The following CHEK1 variants were observed in gnomAD, a reference collection of about 807,000 sequenced individuals.
CHEK1 encodes serine/threonine-protein kinase Chk1.
A neutral mutation model predicts 60.2 loss-of-function variants in CHEK1; 32 were observed. That is an observed-to-expected ratio of 0.53 (90% confidence interval 0.40 to 0.71). The LOEUF is 0.71. Ranked by LOEUF, CHEK1 falls within the 30% of genes least tolerant of loss-of-function variation. The pLI is 0.00. For synonymous variants in CHEK1, 179 were observed against 187.2 expected, an observed-to-expected ratio of 0.96 and a Z score of 0.36; for missense variants, 399 against 564.6, an observed-to-expected ratio of 0.71 and a Z score of 2.97.
rs544609770 is a variant in CHEK1, at chr11:125,648,533, G to A, written c.1233+3890G>A. ...GGAGGCGGAGGTTGCAGTGAGCCGA[G>A]ATGACGCCACTGCACTCCAGCCTGG... On this transcript the variant is annotated intron_variant, in intron 11 of 12. Coordinates refer to ENST00000438015, the MANE Select transcript of CHEK1 (RefSeq NM_001114122.3). Among the ~76,000 whole-genome samples, 7 of 150,838 alleles carry A rather than the reference G, an allele frequency of 4.6e-5. No individual in the cohort carries two copies. In the South Asian group the frequency reaches 1.5e-3, roughly 32 times the overall value.
chr11:125,635,024 C>A (rs1394163490), intron 6 of CHEK1, among the ~76,000 whole-genome samples: 1 of 151,384 alleles, frequency 6.6e-6, no homozygotes, highest in East Asian at 1.9e-4. Flanking sequence ...GCAGTGTGAT[C>A]TTGGCTCACT....
In CHEK1 at chr11:125,650,139, TC is replaced by T. The variant is rs1317413434; in HGVS notation, c.1234-3606del. ...TGGGAAGTTTTTGGCCACAATTTCT[TC>T]AGATTTTTTTTTTTATATCTAACTC... On this transcript the variant is annotated intron_variant, in intron 11 of 12. Transcript: ENST00000438015. Among the ~76,000 whole-genome samples, 22 of 152,150 alleles carry T rather than the reference TC, an allele frequency of 1.4e-4. No homozygotes were observed. The East Asian group carries it at 4.3e-3, about 29-fold the overall frequency.
At chr11:125,647,054 A>G (rs1050009110) in intron 11 of CHEK1, among the ~76,000 whole-genome samples, 2 of 152,164 alleles carry the variant, frequency 1.3e-5, no homozygotes, top group African/African-American at 4.8e-5. Flanking sequence ...GTAAGATTGT[A>G]AAGATTTATA....
At chr11:125,636,587 C>T (rs114517669) in intron 7 of CHEK1, among the ~76,000 whole-genome samples, 57 of 152,150 alleles carry the variant, frequency 3.7e-4, no homozygotes, top group African/African-American at 1.3e-3. Flanking sequence ...AGGAAAAAAA[C>T]TTTAAATAAT....
intron 11 of CHEK1, among the ~76,000 whole-genome samples, chr11:125,647,985 C>T (rs1941560246): frequency 6.6e-6 from 1 of 152,118 alleles, no homozygotes. Context: ...AGTAACTCTT[C>T]TAATCCAATA....
At chr11:125,660,118 G>A (rs568002821), downstream of CHEK1, among the ~76,000 whole-genome samples, 1 of 152,130 alleles carries the variant, frequency 6.6e-6, no homozygotes, top group Admixed American at 6.5e-5. Flanking sequence ...TTACTTCTTG[G>A]TTATTATGAA....
chr11:125,669,466 T>C (rs1942155930), intron 13 of CHEK1, among the ~76,000 whole-genome samples: 1 of 152,066 alleles, frequency 6.6e-6, no homozygotes, highest in South Asian at 2.1e-4. Context: ...TCTCTTTGAA[T>C]TTCAGTAATT....
chr11:125,629,318 C>G (rs201903974), intron 4 of CHEK1, 22 bp downstream of exon 4: 5 of 1,613,650 alleles, frequency 3.1e-6, no homozygotes, highest in Non-Finnish European at 4.2e-6. Context: ...TGTCTATTTC[C>G]CTTTTACTTA....
intron 1 of CHEK1, 120 bp from the exon 2 acceptor site, chr11:125,626,629 G>A (rs575284194): frequency 5.5e-5 from 43 of 784,204 alleles, no homozygotes; most frequent in Middle Eastern, 2.6e-4. Flanking sequence ...ATGTGGATGA[G>A]ATAGAAGGGG....
At chr11:125,672,612 G>A in intron 13 of CHEK1, 1 of 1,614,082 alleles carries the variant, frequency 6.2e-7, no homozygotes. Flanking sequence ...ATTGCAGAAA[G>A]ATTGATTTCG....
At chr11:125,677,907 T>C, downstream of CHEK1, 1 of 1,614,122 alleles carries the variant, frequency 6.2e-7, no homozygotes, top group East Asian at 2.2e-5. Context: ...ACCGGAGCCA[T>C]GTTCACCTGA....
rs145219941 is a variant in CHEK1, at chr11:125,639,719, T to C, written c.814+2175T>C. On this transcript the variant is annotated intron_variant, in intron 8 of 12. Transcript: ENST00000438015. The stretch of plus-strand genomic sequence containing the variant: ...TCCATCCTCACTCTCAGTTGTTCAC[T>C]TTGCTTCCTGTGTCACTGGGAAATG... Among the ~76,000 whole-genome samples, 25 of 152,296 alleles carry C rather than the reference T, an allele frequency of 1.6e-4. No homozygotes were observed. In the South Asian group the frequency reaches 2.1e-3, roughly 13 times the overall value.
rs115205280 is a variant in CHEK1 at position 125,667,966 on chromosome 11, T to G, written c.*28-7962T>G. ...CAGTAAGTTTTAGTTACTATGTTCA[T>G]TGTAAGGATTAGTCTAAATAATGTA... On this transcript the variant is annotated intron_variant, in intron 13 of 13. Coordinates refer to the CHEK1 transcript ENST00000428830. 4.3e-3 allele frequency among the ~76,000 whole-genome samples: 652 copies of G among 152,324 alleles called. 8 individuals carry two copies. The highest frequency in any genetic ancestry group is 0.015 in the African/African-American group (626 of 41,564).
At chr11:125,678,431 G>T (rs1942630317), downstream of CHEK1, 2 of 1,045,682 alleles carry the variant, frequency 1.9e-6, no homozygotes, top group African/African-American at 1.6e-5. Flanking sequence ...CCTGAAGACT[G>T]CAGATGTTGG....
chr11:125,631,421 A>G (rs1940854776), intron 5 of CHEK1, among the ~76,000 whole-genome samples: 1 of 152,146 alleles, frequency 6.6e-6, no homozygotes, highest in South Asian at 2.1e-4. Flanking sequence ...TATTATGTGC[A>G]GTTCTCTAAC....
chr11:125,666,983 G>A (rs1182930445), intron 13 of CHEK1, among the ~76,000 whole-genome samples: 12 of 134,632 alleles, frequency 8.9e-5, no homozygotes, highest in Admixed American at 1.4e-4. Flanking sequence ...TGTGTTTTTC[G>A]GTGTTTTTTT....
chr11:125,639,358 A>G (rs533178331), intron 8 of CHEK1, among the ~76,000 whole-genome samples: 15 of 145,880 alleles, frequency 1.0e-4, no homozygotes, highest in Non-Finnish European at 2.1e-4. Context: ...GTTCTCCTAA[A>G]TCACGTTTTT....
chr11:125,669,271 C>T (rs1565390414), intron 13 of CHEK1, among the ~76,000 whole-genome samples: 1 of 152,120 alleles, frequency 6.6e-6, no homozygotes, highest in Admixed American at 6.6e-5. Context: ...AAATGTGTTA[C>T]CTTCGCTTTT....
chr11:125,664,062 G>C (rs1377704774), intron 13 of CHEK1, among the ~76,000 whole-genome samples: 1 of 152,004 alleles, frequency 6.6e-6, no homozygotes, highest in African/African-American at 2.4e-5. Flanking sequence ...CTATGTGTCT[G>C]CTTTTGTACT....
Sources: gnomAD v4.1 joint callset for allele counts (sites outside exome capture counted in the v4.1 genomes callset) on GRCh38, gnomAD v4.1.1 for gene constraint, MANE v1.5 for transcripts, NCBI Gene and HGNC (gene_info 2026-07-23, HGNC 2026-07-21) for gene names.